GAPVD1: variants seen among roughly 807,000 people sequenced by gnomAD.
The protein encoded by GAPVD1 is GTPase activating protein and VPS9 domains 1.
GAPVD1 carries 35 observed loss-of-function variants against 155.5 expected under a neutral mutation model. That is an observed-to-expected ratio of 0.23 (90% CI 0.17 to 0.30). GAPVD1 has a LOEUF of 0.30. Among genes scored for constraint, GAPVD1 ranks in the 10% least tolerant of loss-of-function variants. The pLI, the probability that GAPVD1 is intolerant of heterozygous loss-of-function variation, is 1.00. For missense variants in GAPVD1, 1,429 were observed against 1,775.7 expected, an observed-to-expected ratio of 0.80 and a Z score of 3.51; for synonymous variants, 636 against 619.7, an observed-to-expected ratio of 1.03 and a Z score of -0.39.
At chr9:125,312,338 A>G in intron 8 of GAPVD1, 114 bp from the exon 9 acceptor site, 1 of 640,284 alleles carries the variant, frequency 1.6e-6, no homozygotes, top group Non-Finnish European at 2.6e-6. Context: ...ATTTTTTACC[A>G]CTCTTGTGCA....
chr9:125,328,839 C>G (rs923394832), intron 12 of GAPVD1, among the ~76,000 whole-genome samples: 2 of 151,868 alleles, frequency 1.3e-5, no homozygotes, highest in South Asian at 2.1e-4. Flanking sequence ...GCTGACCCCC[C>G]CCCCACCTCC....
intron 8 of GAPVD1, among the ~76,000 whole-genome samples, chr9:125,311,307 A>C (rs1193706774): frequency 2.6e-5 from 4 of 152,084 alleles, no homozygotes; most frequent in Non-Finnish European, 5.9e-5. Flanking sequence ...AATGCATTTC[A>C]GGGGGGGAAG....
At chr9:125,351,221 T>C (rs1328269744) in intron 23 of GAPVD1, among the ~76,000 whole-genome samples, 3 of 152,188 alleles carry the variant, frequency 2.0e-5, no homozygotes, top group Non-Finnish European at 4.4e-5. Flanking sequence ...GTGAGACTTA[T>C]TCACTATCAC....
intron 2 of GAPVD1, among the ~76,000 whole-genome samples, chr9:125,272,731 G>T (rs148021132): frequency 2.0e-5 from 3 of 152,170 alleles, no homozygotes; most frequent in Non-Finnish European, 4.4e-5. Flanking sequence ...CCACAGTAAT[G>T]ATGGTAACGC....
intron 9 of GAPVD1, among the ~76,000 whole-genome samples, chr9:125,319,351 G>A (rs950406300): frequency 2.7e-5 from 4 of 149,034 alleles, no homozygotes; most frequent in Non-Finnish European, 5.9e-5. Context: ...TCCAGCCTGG[G>A]CGACAGAATG....
chr9:125,262,212 T>TG (rs1269800872), intron 1 of GAPVD1, among the ~76,000 whole-genome samples: 6 of 149,294 alleles, frequency 4.0e-5, no homozygotes, highest in Non-Finnish European at 7.4e-5. Context: ...GAGAGACGCG[T>TG]GGGGGATGGG....
chr9:125,284,162 C>T lies in GAPVD1; in HGVS notation c.-149-11296C>T, dbSNP rs1209250477. 3.4e-5 allele frequency among the ~76,000 whole-genome samples: 5 copies of T among 145,724 alleles called. No homozygotes were observed. The South Asian group carries it at 8.8e-4, about 26-fold the overall frequency. ...AAGTGCTGGGATTACAGGCGTGAGT[C>T]ACTGAGCCCCGCCAGAACTTTTTTT... On this transcript the variant is annotated intron_variant, in intron 2 of 27. Coordinates refer to ENST00000297933, the MANE Select transcript of GAPVD1 (RefSeq NM_001282680.3).
intron 2 of GAPVD1, among the ~76,000 whole-genome samples, chr9:125,295,218 C>T (rs1839649610): frequency 6.6e-6 from 1 of 151,904 alleles, no homozygotes; most frequent in Non-Finnish European, 1.5e-5. Context: ...GTTATTGTTA[C>T]TTTTCAGGAA....
intron 15 of GAPVD1, among the ~76,000 whole-genome samples, chr9:125,335,677 A>G (rs768262833): frequency 2.6e-5 from 4 of 152,180 alleles, no homozygotes; most frequent in Non-Finnish European, 4.4e-5. Context: ...CTCTGTCTCA[A>G]AAAAGCAAAA....
intron 12 of GAPVD1, among the ~76,000 whole-genome samples, chr9:125,328,156 G>T (rs962982720): frequency 7.1e-6 from 1 of 140,494 alleles, no homozygotes; most frequent in East Asian, 2.0e-4. Context: ...TAATACTTTC[G>T]ATTTGTATTT....
At position 125,337,039 on chromosome 9, in the gene GAPVD1, C is replaced by T. The variant is rs1487178933; in HGVS notation, c.2450C>T (p.Pro817Leu). The change falls in exon 16 of 28, where the codon CCT (proline) becomes CTT (leucine). Residue 817 changes from proline (P) to leucine (L), a missense_variant. By Grantham distance (98) the Pro-to-Leu change is moderately conservative (BLOSUM62 -3). This residue lies in a region of GAPVD1 where 699 missense variants were observed against 826.0 expected (regional missense o/e 0.85). Transcript: ENST00000297933. ...TTAGGTGCCCACCAGCTGACCTCTCCTCCTTCTCAGTCAGAGTCTCTGCTG... is the reference window on the plus strand; with the variant it reads ...TTAGGTGCCCACCAGCTGACCTCTCTTCCTTCTCAGTCAGAGTCTCTGCTG... ...ITHGAHQLTS[P>L]PSQSESLLAM... 4 of 1,612,144 alleles carry T rather than the reference C, an allele frequency of 2.5e-6. No homozygotes were observed. In the African/African-American group the frequency reaches 4.0e-5, roughly 16 times the overall value.
In GAPVD1 at chr9:125,333,927, G is replaced by T. The variant is rs535779501; in HGVS notation, c.2428+1298G>T. ...ATTTTAGGAGGTTTAAGCAGCTCTGGCCCCTACCAGTAGTATATGCCCTTT... is the reference window on the plus strand; with the variant it reads ...ATTTTAGGAGGTTTAAGCAGCTCTGTCCCCTACCAGTAGTATATGCCCTTT... On this transcript the variant is annotated intron_variant, in intron 15 of 27. Coordinates refer to ENST00000297933, the MANE Select transcript of GAPVD1 (RefSeq NM_001282680.3). 2.1e-4 allele frequency among the ~76,000 whole-genome samples: 32 copies of T among 152,204 alleles called. No individual in the cohort carries two copies. The South Asian group carries it at 6.6e-3, about 32-fold the overall frequency.
intron 3 of GAPVD1, among the ~76,000 whole-genome samples, chr9:125,295,906 G>A (rs1047734990): frequency 5.9e-5 from 9 of 152,064 alleles, no homozygotes; most frequent in African/African-American, 2.2e-4. Flanking sequence ...GATTTGGCTA[G>A]GCTCCAGCGA....
In GAPVD1 at chr9:125,337,224, C is replaced by G; in HGVS notation, c.2510C>G (p.Ala837Gly). ...AACTTTTTTTCCTGTGTTGCAGGGG[C>G]TTCTGCTGTGGTAAGGCCAAAGGTT... ...MFDPLSSHEG[A>G]SAVVRPKVHY... The change falls in exon 17 of 28, where the codon GCT becomes GGT. Residue 837 changes from alanine to glycine, a missense_variant. This residue lies in a region of GAPVD1 where 699 missense variants were observed against 826.0 expected (regional missense o/e 0.85). Coordinates refer to ENST00000297933, the MANE Select transcript of GAPVD1 (RefSeq NM_001282680.3). 1 of 1,613,786 alleles carries G rather than the reference C, an allele frequency of 6.2e-7. No individual in the cohort carries two copies. The highest frequency in any genetic ancestry group is 8.5e-7 in the Non-Finnish European group (1 of 1,179,770).
chr9:125,298,864 TTAAATC>T lies in GAPVD1; in HGVS notation c.-32-24_-32-19del. ...AGAACTTAAGTGACATACATAAACT[TTAAATC>T]TTTATCTTTTTACTCTTAGTGATCA... On this transcript the variant is annotated intron_variant, in intron 3 of 27. Coordinates refer to ENST00000297933, the MANE Select transcript of GAPVD1 (RefSeq NM_001282680.3). 1 of 1,025,366 alleles carries T rather than the reference TTAAATC, an allele frequency of 9.8e-7. No individual in the cohort carries two copies. The highest frequency in any genetic ancestry group is 2.1e-4 in the Middle Eastern group (1 of 4,706). 63.5% of individuals were successfully genotyped at this position (1,025,366 alleles called of 1,614,324 possible). A position where few individuals can be genotyped will look rare whatever the true frequency, so the allele number is the denominator to read the frequency against.
chr9:125,307,183 G>C (rs1283176769), intron 6 of GAPVD1, among the ~76,000 whole-genome samples: 2 of 151,310 alleles, frequency 1.3e-5, no homozygotes, highest in Non-Finnish European at 2.9e-5. Context: ...GAGAATCACA[G>C]TGGGGGAGGA....
chr9:125,343,491 A>G (rs539969101), intron 19 of GAPVD1, among the ~76,000 whole-genome samples: 8 of 152,316 alleles, frequency 5.3e-5, no homozygotes, highest in Non-Finnish European at 7.3e-5. Context: ...TTTAATGCCT[A>G]TTATTCTAAT....
chr9:125,344,341 C>T (rs946212112), intron 19 of GAPVD1, among the ~76,000 whole-genome samples: 1 of 152,098 alleles, frequency 6.6e-6, no homozygotes. Context: ...TTTTATAAAA[C>T]CTCCCCCAAT....
chr9:125,330,130 G>A lies in GAPVD1; in HGVS notation c.2085G>A (p.Gly695=). 6.2e-7 allele frequency: 1 copy of A among 1,611,836 alleles called. No homozygotes were observed. Among genetic ancestry groups the A allele is most frequent in the Non-Finnish European group, 8.5e-7 (1 of 1,178,106 alleles). The change falls in exon 13 of 28, where the codon GGG becomes GGA. Residue 695 remains glycine (G), a synonymous_variant. Coordinates refer to ENST00000297933, the MANE Select transcript of GAPVD1 (RefSeq NM_001282680.3). The part of the protein sequence containing the change: ...LGSLLCLPGS[G]SVLLDPCTGS... ...GTTTGCTGTGCCTCCCAGGTTCAGG[G>A]TCAGTGCTTCTTGACCCCTGCACTG...
Sources: allele counts gnomAD v4.1 joint callset (sites outside exome capture counted in the v4.1 genomes callset), GRCh38; gene constraint gnomAD v4.1.1; regional missense constraint gnomAD v4.1.1; transcripts MANE v1.5; gene names NCBI Gene and HGNC (gene_info 2026-07-23, HGNC 2026-07-21).